NPC1: variants seen among roughly 807,000 people sequenced by gnomAD.
NPC1 encodes Niemann-Pick C1 protein.
Under a neutral mutation model 140.4 loss-of-function variants are expected in NPC1, and 85 were observed. The observed-to-expected ratio is 0.61, with a 90% CI of 0.51 to 0.72. The LOEUF (loss-of-function observed/expected upper bound fraction) is 0.72. Among genes scored for constraint, NPC1 ranks in the 30% least tolerant of loss-of-function variants. The probability of loss-of-function intolerance (pLI) is 0.00; values close to 1 mark genes in which losing one functional copy is unlikely to be tolerated. For missense variants in NPC1, 1,504 were observed against 1,623.8 expected, an observed-to-expected ratio of 0.93 and a Z score of 1.27; for synonymous variants, 656 against 624.8, an observed-to-expected ratio of 1.05 and a Z score of -0.74.
intron 23 of NPC1, chr18:23,533,843 T>G: frequency 2.6e-6 from 1 of 385,514 alleles, no homozygotes; most frequent in South Asian, 2.2e-5. Context: ...TTCAAAGCAA[T>G]GGGAACTGAA....
intron 9 of NPC1, among the ~76,000 whole-genome samples, chr18:23,553,673 G>A (rs898968791): frequency 6.6e-6 from 1 of 152,160 alleles, no homozygotes; most frequent in Non-Finnish European, 1.5e-5. Flanking sequence ...CCTAGGCCAG[G>A]TCCCTAGCAT....
chr18:23,578,777 A>G (rs2059322726), intron 1 of NPC1, among the ~76,000 whole-genome samples: 1 of 152,198 alleles, frequency 6.6e-6, no homozygotes, highest in African/African-American at 2.4e-5. Flanking sequence ...TCTTTCCTCT[A>G]TTTGTATTTC....
intron 10 of NPC1, among the ~76,000 whole-genome samples, chr18:23,549,705 C>A (rs1465422646): frequency 1.3e-5 from 2 of 151,258 alleles, no homozygotes; most frequent in Non-Finnish European, 2.9e-5. Context: ...ATGACCTCAC[C>A]CACTTTTCTT....
At chr18:23,537,070 CTTTT>C (rs562891401) in intron 20 of NPC1, among the ~76,000 whole-genome samples, 194 bp from the exon 21 acceptor site, 2 of 147,144 alleles carry the variant, frequency 1.4e-5, no homozygotes, top group Admixed American at 6.8e-5. Flanking sequence ...AGACTGGCTT[CTTTT>C]TTTTTTTATT....
chr18:23,548,121 A>G lies in NPC1; in HGVS notation c.1655-13T>C. On this transcript the variant is annotated splice_polypyrimidine_tract_variant and intron_variant, in intron 10 of 24. Transcript: ENST00000269228. ...TTGTAGTTTTGATCTAGAAAGGAAAAATGTGACATCAAAAAGCAGATTACA... is the reference window on the plus strand; with the variant it reads ...TTGTAGTTTTGATCTAGAAAGGAAAGATGTGACATCAAAAAGCAGATTACA... 6.6e-7 allele frequency: 1 copy of G among 1,505,626 alleles called. No homozygotes were observed. Among genetic ancestry groups the G allele is most frequent in the African/African-American group, 1.4e-5 (1 of 72,916 alleles). 93.3% of individuals were successfully genotyped at this position (1,505,626 alleles called of 1,614,324 possible).
intron 1 of NPC1, among the ~76,000 whole-genome samples, chr18:23,574,129 C>T (rs1211488381): frequency 6.6e-6 from 1 of 152,122 alleles, no homozygotes; most frequent in Non-Finnish European, 1.5e-5. Context: ...GGAAAAACAC[C>T]GAGGCAATCT....
chr18:23,529,640 G>A (rs2058425147), downstream of NPC1: 1 of 1,614,018 alleles, frequency 6.2e-7, no homozygotes, highest in South Asian at 1.1e-5. Context: ...CCTAGGAGAT[G>A]CCTCATAAAT....
chr18:23,507,912 TAGTATGCCAACGTAGGTTGGC>T (rs1344011404), intron 3 of NPC1: 3 of 1,361,842 alleles, frequency 2.2e-6, no homozygotes, highest in Non-Finnish European at 3.1e-6. Context: ...TCTTGTCTTG[TAGTATGCCAACGTAGGTTGGC>T]AGTATGCTGC....
intron 1 of NPC1, among the ~76,000 whole-genome samples, chr18:23,578,875 C>A (rs2059324253): frequency 6.6e-6 from 1 of 152,264 alleles, no homozygotes; most frequent in South Asian, 2.1e-4. Flanking sequence ...GAACCTATCG[C>A]TCACTCCCAG....
chr18:23,545,948 T>C (rs1481717945), intron 11 of NPC1, among the ~76,000 whole-genome samples: 1 of 152,094 alleles, frequency 6.6e-6, no homozygotes, highest in Non-Finnish European at 1.5e-5. Context: ...CCATACATGC[T>C]GAATTAAAGT....
Position 23,561,446 on chromosome 18 carries a change from T to G in NPC1, c.545A>C (p.Asp182Ala). Residue 182 changes from aspartate to alanine, a missense_variant, in exon 5 of 25, where the codon GAC (aspartate) becomes GCC (alanine). By Grantham distance (126) the Asp-to-Ala change is moderately radical (BLOSUM62 -2). Transcript: ENST00000269228. ...AATCCAGTTGGTGGCATTACAGGCG[T>G]CAGCGTCCTTCCCACACAGGAGTCC... ...ALGLLCGKDA[D>A]ACNATNWIEY... 6.2e-7 allele frequency: 1 copy of G among 1,614,200 alleles called. No individual in the cohort carries two copies. Among genetic ancestry groups the G allele is most frequent in the South Asian group, 1.1e-5 (1 of 91,082 alleles).
intron 20 of NPC1, among the ~76,000 whole-genome samples, chr18:23,537,252 A>G (rs1210489080): frequency 2.0e-5 from 3 of 152,212 alleles, no homozygotes; most frequent in Middle Eastern, 3.4e-3. Context: ...GTATTTTTTT[A>G]GTAGAGACAG....
At position 23,586,439 on chromosome 18, in the gene NPC1, G is replaced by A. The variant is rs558091579; in HGVS notation, c.-96C>T. The A allele has an allele frequency of 2.0e-6, 3 of 1,510,960 alleles. No homozygotes were observed. Among genetic ancestry groups the A allele is most frequent in the African/African-American group, 2.8e-5 (2 of 70,682 alleles). 93.6% of individuals were successfully genotyped at this position (1,510,960 alleles called of 1,614,324 possible). A position where few individuals can be genotyped will look rare whatever the true frequency, so the allele number is the denominator to read the frequency against. Reference sequence around the variant, plus strand: ...TCCCCGGGCTGTTTCAGCACCCCGCGCAGGAGGAGCGGAGGAGCAGGAGCA... The same window carrying A: ...TCCCCGGGCTGTTTCAGCACCCCGCACAGGAGGAGCGGAGGAGCAGGAGCA... On this transcript the variant is annotated 5_prime_UTR_variant, in exon 1 of 25. Transcript: ENST00000269228.
rs377179697 is a variant in NPC1, at chr18:23,544,386, A to G, written c.2088T>C (p.Ala696=). 6.4e-5 allele frequency: 103 copies of G among 1,614,124 alleles called. No homozygotes were observed. Among genetic ancestry groups the G allele is most frequent in the Non-Finnish European group, 8.6e-5 (101 of 1,180,050 alleles). ...GAATGAAGATGTTGTCCACTCCAAC[A>G]GCCAGCACCAGGAACGGGATGACTT... ...VIEVIPFLVL[A]VGVDNIFILV... is the part of the protein sequence containing the mutation. Residue 696 remains alanine (A), a synonymous_variant, in exon 13 of 25, where the codon GCT becomes GCC. Transcript: ENST00000269228.
chr18:23,531,810 C>G lies in NPC1; in HGVS notation c.*392G>C, dbSNP rs888939134. 1 of 1,511,402 alleles carries G rather than the reference C, an allele frequency of 6.6e-7. No homozygotes were observed. Among genetic ancestry groups the G allele is most frequent in the Admixed American group, 2.3e-5 (1 of 43,854 alleles). 93.6% of individuals were successfully genotyped at this position (1,511,402 alleles called of 1,614,324 possible). The stretch of plus-strand genomic sequence containing the variant: ...TTATAAAGTGTATCTACAACCTCAA[C>G]TGTCACTAAAAATATGGTATAGAAC... On this transcript the variant is annotated 3_prime_UTR_variant, in exon 25 of 25. Transcript: ENST00000269228.
intron 24 of NPC1, chr18:23,533,092 G>T: frequency 1.6e-6 from 1 of 642,784 alleles, no homozygotes; most frequent in Non-Finnish European, 2.4e-6. Context: ...ATCCATTCAA[G>T]GACTGGCTCC....
intron 3 of NPC1, among the ~76,000 whole-genome samples, chr18:23,511,057 C>T (rs1399968970): frequency 6.6e-6 from 1 of 152,172 alleles, no homozygotes; most frequent in East Asian, 1.9e-4. Context: ...TTCACAATGG[C>T]AAAGACATGG....
At chr18:23,567,486 T>C (rs1016593063) in intron 4 of NPC1, among the ~76,000 whole-genome samples, 1 of 152,216 alleles carries the variant, frequency 6.6e-6, no homozygotes, top group African/African-American at 2.4e-5. Flanking sequence ...ATTGGGCTGT[T>C]TGCTTTCTTA....
At chr18:23,567,350 T>C (rs925894264) in intron 4 of NPC1, among the ~76,000 whole-genome samples, 1 of 152,238 alleles carries the variant, frequency 6.6e-6, no homozygotes, top group Non-Finnish European at 1.5e-5. Flanking sequence ...TGTGTAGTGG[T>C]ATCTCGTTGT....
Sources: gnomAD v4.1 joint callset for allele counts (sites outside exome capture counted in the v4.1 genomes callset) on GRCh38, gnomAD v4.1.1 for gene constraint, MANE v1.5 for transcripts, NCBI Gene and HGNC (gene_info 2026-07-23, HGNC 2026-07-21) for gene names.